The following HDAC8 variants were observed in gnomAD, a reference collection of about 807,000 sequenced individuals.
HDAC8 encodes the protein histone deacetylase-like 1.
A neutral mutation model predicts 32.2 loss-of-function variants in HDAC8; 1 was observed. The observed-to-expected ratio is 0.03, with a 90% CI of 0.01 to 0.15. HDAC8 has a LOEUF of 0.15. Among genes scored for constraint, HDAC8 ranks in the 10% least tolerant of loss-of-function variants. The probability of loss-of-function intolerance (pLI) is 1.00; values close to 1 mark genes in which losing one functional copy is unlikely to be tolerated. For missense variants in HDAC8, 117 were observed against 300.0 expected (o/e 0.39, Z 4.51); for synonymous variants, 108 against 113.9 (o/e 0.95, Z 0.33).
intron 9 of HDAC8, among the ~76,000 whole-genome samples, chrX:72,417,188 A>G (rs2046368041): frequency 9.0e-6 from 1 of 111,106 alleles, no homozygotes; most frequent in Admixed American, 9.6e-5. Flanking sequence ...AAGGATGCTT[A>G]CTCTCATCGC....
At chrX:72,548,891 A>AT (rs1164765557) in intron 4 of HDAC8, among the ~76,000 whole-genome samples, 6 of 110,919 alleles carry the variant, frequency 5.4e-5, no homozygotes, top group Admixed American at 2.9e-4. Context: ...GCTGTCAAAC[A>AT]TTTTTTCATT....
chrX:72,511,902 A>C (rs181556599), intron 4 of HDAC8, among the ~76,000 whole-genome samples: 41 of 112,350 alleles, frequency 3.6e-4, no homozygotes, highest in Non-Finnish European at 6.8e-4. Flanking sequence ...AGACAGATAT[A>C]AAATTTTAAG....
intron 4 of HDAC8, among the ~76,000 whole-genome samples, chrX:72,549,640 ATTAGATGT>A (rs1216773671): frequency 9.8e-5 from 11 of 111,963 alleles, no homozygotes; most frequent in African/African-American, 3.6e-4. Flanking sequence ...GACATCTTCA[ATTAGATGT>A]TCCATAAGCA....
chrX:72,413,679 T>C (rs1175195710), intron 9 of HDAC8, among the ~76,000 whole-genome samples: 2 of 110,838 alleles, frequency 1.8e-5, no homozygotes, highest in African/African-American at 6.6e-5. Flanking sequence ...TACTCAGTTC[T>C]CACGAGATCT....
In HDAC8 at chrX:72,444,135, G is replaced by C. The variant is rs1371841963; in HGVS notation, c.1005+17869C>G. Reference sequence around the variant, plus strand: ...AGGAGGAGCTGGTACCATTCCTTCTGAAACTATTCCAATCAATAGAAAAAG... The same window carrying C: ...AGGAGGAGCTGGTACCATTCCTTCTCAAACTATTCCAATCAATAGAAAAAG... On this transcript the variant is annotated intron_variant, in intron 9 of 10. Transcript: ENST00000373573. Among the ~76,000 whole-genome samples, 3 of 107,119 alleles carry C rather than the reference G, an allele frequency of 2.8e-5. No individual in the cohort carries two copies. The Admixed American group carries it at 3.0e-4, about 11-fold the overall frequency. The allele number at this position is 107,119 out of a possible 115,157, so 93.0% of individuals were successfully genotyped here.
At chrX:72,490,196 G>A (rs1556008454) in intron 6 of HDAC8, among the ~76,000 whole-genome samples, 1 of 110,031 alleles carries the variant, frequency 9.1e-6, no homozygotes, top group Non-Finnish European at 1.9e-5. Context: ...TCAGTGTGGC[G>A]ATTCCTCAGG....
At chrX:72,534,873 T>G (rs1472647247) in intron 4 of HDAC8, among the ~76,000 whole-genome samples, 1 of 111,966 alleles carries the variant, frequency 8.9e-6, no homozygotes, top group African/African-American at 3.3e-5. Context: ...CTTCATACAT[T>G]TTGGGTGTTT....
chrX:72,365,775 A>G (rs1375001090), intron 9 of HDAC8, among the ~76,000 whole-genome samples: 4 of 112,088 alleles, frequency 3.6e-5, no homozygotes, highest in African/African-American at 1.3e-4. Context: ...CGATAGAATG[A>G]TGGGCTTGGC....
intron 4 of HDAC8, among the ~76,000 whole-genome samples, chrX:72,498,128 T>C (rs2049085900): frequency 9.8e-6 from 1 of 102,529 alleles, no homozygotes; most frequent in Non-Finnish European, 2.0e-5. Context: ...AATATTCTGA[T>C]GCAAAGCTAG....
At chrX:72,363,072 G>A (rs1332570793) in intron 9 of HDAC8, among the ~76,000 whole-genome samples, 1 of 110,116 alleles carries the variant, frequency 9.1e-6, no homozygotes, top group East Asian at 3.0e-4. Flanking sequence ...GGGTGGCAGG[G>A]GTCTCCCTGC....
At chrX:72,374,640 A>G (rs1281160322) in intron 9 of HDAC8, among the ~76,000 whole-genome samples, 1 of 109,995 alleles carries the variant, frequency 9.1e-6, no homozygotes, top group African/African-American at 3.3e-5. Context: ...TCATTGCACT[A>G]CAGCCTGGGT....
chrX:72,468,077 A>G (rs2048069642), intron 7 of HDAC8: 2 of 1,122,842 alleles, frequency 1.8e-6, no homozygotes, highest in Non-Finnish European at 2.4e-6. Context: ...TACATAGTGC[A>G]AACTTCAAAG....
intron 9 of HDAC8, among the ~76,000 whole-genome samples, chrX:72,424,699 TAATA>T (rs2147934519): frequency 9.0e-6 from 1 of 111,647 alleles, no homozygotes; most frequent in South Asian, 3.7e-4. Context: ...CTACACCCAT[TAATA>T]AATAACTCCC....
chrX:72,421,020 C>A (rs782772522), intron 9 of HDAC8, among the ~76,000 whole-genome samples: 1 of 110,429 alleles, frequency 9.1e-6, no homozygotes, highest in African/African-American at 3.3e-5. Flanking sequence ...TTATCTTATA[C>A]CTATTTGTGT....
At chrX:72,338,593 T>C in intron 10 of HDAC8, among the ~76,000 whole-genome samples, 1 of 104,339 alleles carries the variant, frequency 9.6e-6, no homozygotes, top group South Asian at 4.3e-4. Context: ...GTACCTCTTT[T>C]AGGAATGTTT....
At chrX:72,439,708 C>T (rs1414462007) in intron 9 of HDAC8, among the ~76,000 whole-genome samples, 1 of 101,938 alleles carries the variant, frequency 9.8e-6, no homozygotes, top group African/African-American at 3.7e-5. Flanking sequence ...AAACCAACAA[C>T]AATCTAAAAA....
chrX:72,529,289 C>T (rs983578369), intron 4 of HDAC8, among the ~76,000 whole-genome samples: 2 of 111,743 alleles, frequency 1.8e-5, no homozygotes, highest in East Asian at 2.8e-4. Context: ...GAGATGAGAG[C>T]GATTAGCTTG....
intron 9 of HDAC8, among the ~76,000 whole-genome samples, chrX:72,407,852 A>G (rs1242706226): frequency 8.9e-6 from 1 of 112,456 alleles, no homozygotes; most frequent in Non-Finnish European, 1.9e-5. Flanking sequence ...GGGACCAGTT[A>G]ACAAAGACTC....
chrX:72,356,331 G>C (rs1296836965), intron 9 of HDAC8, among the ~76,000 whole-genome samples: 2 of 111,372 alleles, frequency 1.8e-5, no homozygotes, highest in African/African-American at 6.5e-5. Context: ...TTCAGGTATT[G>C]AAGTGAATTA....
Sources: gnomAD v4.1 joint callset for allele counts (sites outside exome capture counted in the v4.1 genomes callset) on GRCh38, gnomAD v4.1.1 for gene constraint, MANE v1.5 for transcripts, NCBI Gene and HGNC (gene_info 2026-07-23, HGNC 2026-07-21) for gene names.